Variants in FSTL4 observed in about 807,000 individuals in gnomAD.
FSTL4 encodes follistatin like 4.
FSTL4 carries 28 observed loss-of-function variants against 78.2 expected under a neutral mutation model. The ratio of observed to expected loss-of-function variants is 0.36; its 90% CI spans 0.27 to 0.49. FSTL4 has a LOEUF of 0.49. Among genes scored for constraint, FSTL4 ranks in the 20% least tolerant of loss-of-function variants. FSTL4 has a pLI of 0.98. For missense variants in FSTL4, 922 were observed against 1,084.9 expected, an observed-to-expected ratio of 0.85 and a Z score of 2.11; for synonymous variants, 422 against 440.5, an observed-to-expected ratio of 0.96 and a Z score of 0.53.
the FSTL4 span, among the ~76,000 whole-genome samples, chr5:133,700,104 A>C: frequency 6.6e-6 from 1 of 152,130 alleles, no homozygotes; most frequent in Non-Finnish European, 1.5e-5. Flanking sequence ...ATCGAGTAGC[A>C]TCAGAGAGCA....
At chr5:133,257,370 C>G (rs1469421616) in intron 6 of FSTL4, among the ~76,000 whole-genome samples, 1 of 152,190 alleles carries the variant, frequency 6.6e-6, no homozygotes, top group Non-Finnish European at 1.5e-5. Context: ...CCTGGCAGAC[C>G]TGTGTCCTGC....
the FSTL4 span, among the ~76,000 whole-genome samples, chr5:133,808,060 C>A: frequency 2.6e-5 from 4 of 152,176 alleles, no homozygotes; most frequent in Non-Finnish European, 5.9e-5. Flanking sequence ...TGCAATAGAT[C>A]CTTGTTAGAT....
At chr5:133,696,861 A>G in the FSTL4 span, among the ~76,000 whole-genome samples, 4 of 152,172 alleles carry the variant, frequency 2.6e-5, no homozygotes, top group Non-Finnish European at 5.9e-5. Context: ...ATGCTGTGAA[A>G]TCATCAAAGT....
chr5:133,729,627 C>T, the FSTL4 span, among the ~76,000 whole-genome samples: 790 of 152,260 alleles, frequency 5.2e-3, 6 homozygotes, highest in African/African-American at 0.018. Flanking sequence ...CCCAAGATCT[C>T]TGGATAACAT....
intron 3 of FSTL4, among the ~76,000 whole-genome samples, chr5:133,529,060 T>C (rs562389032): frequency 1.5e-4 from 23 of 152,234 alleles, no homozygotes; most frequent in Admixed American, 6.5e-4. Flanking sequence ...CAGGGTAATC[T>C]TGGAAGCCAT....
the FSTL4 span, among the ~76,000 whole-genome samples, chr5:133,671,138 C>T: frequency 2.6e-5 from 4 of 152,128 alleles, no homozygotes; most frequent in East Asian, 1.9e-4. Flanking sequence ...GAAAGACAGC[C>T]GAGGTGCCCC....
chr5:133,454,639 T>C (rs572001099), intron 3 of FSTL4, among the ~76,000 whole-genome samples: 3 of 152,320 alleles, frequency 2.0e-5, no homozygotes, highest in African/African-American at 7.2e-5. Flanking sequence ...CTGGGAACAT[T>C]TGAAGGGAAT....
At chr5:133,662,956 G>A in the FSTL4 span, among the ~76,000 whole-genome samples, 1 of 132,206 alleles carries the variant, frequency 7.6e-6, no homozygotes, top group Non-Finnish European at 1.6e-5. Context: ...ATTCCCATGA[G>A]CATTACCCTG....
intron 2 of FSTL4, among the ~76,000 whole-genome samples, chr5:133,580,600 A>G (rs1172368074): frequency 6.6e-6 from 1 of 152,196 alleles, no homozygotes; most frequent in Non-Finnish European, 1.5e-5. Flanking sequence ...AGGGGAAAGG[A>G]TTTGCTGTGT....
the FSTL4 span, among the ~76,000 whole-genome samples, chr5:133,671,746 A>G: frequency 2.5e-4 from 38 of 152,242 alleles, no homozygotes; most frequent in Non-Finnish European, 4.0e-4. Flanking sequence ...AGGCAGAGGA[A>G]AACAAAGGAA....
the FSTL4 span, among the ~76,000 whole-genome samples, chr5:133,834,033 T>C: frequency 1.3e-5 from 2 of 152,162 alleles, no homozygotes; most frequent in Admixed American, 6.5e-5. Context: ...GAAACACAAA[T>C]GAACAATGAA....
chr5:133,625,367 T>C, the FSTL4 span, among the ~76,000 whole-genome samples: 36 of 151,828 alleles, frequency 2.4e-4, no homozygotes, highest in African/African-American at 8.7e-4. Context: ...TGAAGAATTA[T>C]TTCATTTAAT....
chr5:133,344,240 C>G (rs1754650029), intron 4 of FSTL4, among the ~76,000 whole-genome samples: 1 of 152,196 alleles, frequency 6.6e-6, no homozygotes, highest in South Asian at 2.1e-4. Context: ...AAATTAAACA[C>G]CTTTCTTGCC....
the FSTL4 span, among the ~76,000 whole-genome samples, chr5:133,646,782 T>C: frequency 6.6e-6 from 1 of 151,932 alleles, no homozygotes; most frequent in Non-Finnish European, 1.5e-5. Flanking sequence ...ATTTATTGAG[T>C]TGAGAAGATA....
the FSTL4 span, among the ~76,000 whole-genome samples, chr5:133,666,156 C>G: frequency 2.1e-3 from 318 of 152,026 alleles, no homozygotes; most frequent in African/African-American, 6.3e-3. Context: ...GCACACGAAC[C>G]TGCCAAGCTG....
At chr5:133,710,065 T>C in the FSTL4 span, among the ~76,000 whole-genome samples, 1 of 152,166 alleles carries the variant, frequency 6.6e-6, no homozygotes. Context: ...GACGCTGGCA[T>C]GGATGGGCTC....
rs1351742289 is a variant in FSTL4 at position 133,288,733 on chromosome 5, A to C, written c.727+23921T>G. ...GACCCAAGGCCCCAAGGTGCCTGTGAAAAGGGCTCTGGCCTCGCTTGACTG... is the reference window on the plus strand; with the variant it reads ...GACCCAAGGCCCCAAGGTGCCTGTGCAAAGGGCTCTGGCCTCGCTTGACTG... On this transcript the variant is annotated intron_variant, in intron 6 of 15. Transcript: ENST00000265342. 2.6e-5 allele frequency among the ~76,000 whole-genome samples: 4 copies of C among 152,338 alleles called. No individual in the cohort carries two copies. In the Middle Eastern group the frequency reaches 0.01, roughly 389 times the overall value.
At chr5:133,684,235 G>C in the FSTL4 span, among the ~76,000 whole-genome samples, 1 of 152,218 alleles carries the variant, frequency 6.6e-6, no homozygotes, top group Admixed American at 6.5e-5. Context: ...TAGCAGGCGG[G>C]GATGCTCACC....
intron 3 of FSTL4, among the ~76,000 whole-genome samples, chr5:133,477,565 C>T (rs1382983406): frequency 1.3e-5 from 2 of 152,116 alleles, no homozygotes; most frequent in African/African-American, 2.4e-5. Context: ...CCAAGGCCAC[C>T]AGAGTTGCAT....
Sources: allele counts gnomAD v4.1 joint callset (sites outside exome capture counted in the v4.1 genomes callset), GRCh38; gene constraint gnomAD v4.1.1; transcripts MANE v1.5; gene names NCBI Gene and HGNC (gene_info 2026-07-23, HGNC 2026-07-21).